Variants in TPCN2 observed in about 807,000 individuals in gnomAD.
The protein encoded by TPCN2 is two pore channel protein 2.
In TPCN2, 92 loss-of-function variants were observed where a neutral mutation model predicts 111.4. The ratio of observed to expected loss-of-function variants is 0.83; its 90% CI spans 0.70 to 0.98. The LOEUF is 0.98. Ranked by LOEUF, TPCN2 falls within the 50% of genes least tolerant of loss-of-function variation. The probability of loss-of-function intolerance (pLI) is 0.00; values close to 1 mark genes in which losing one functional copy is unlikely to be tolerated. For synonymous variants in TPCN2, 405 were observed against 414.5 expected, an observed-to-expected ratio of 0.98 and a Z score of 0.28; for missense variants, 995 against 980.1, an observed-to-expected ratio of 1.02 and a Z score of -0.20.
chr11:69,056,568 C>T (rs1012090268), intron 4 of TPCN2, among the ~76,000 whole-genome samples: 11 of 152,216 alleles, frequency 7.2e-5, no homozygotes, highest in African/African-American at 1.9e-4. Context: ...CAGTCTCGCT[C>T]TGTTGCCCAG....
intron 1 of TPCN2, among the ~76,000 whole-genome samples, chr11:69,053,081 G>C (rs576047985): frequency 6.6e-6 from 1 of 152,216 alleles, no homozygotes; most frequent in Non-Finnish European, 1.5e-5. Context: ...AGGTGCGCCC[G>C]CTGGCTGCTC....
chr11:69,066,455 ACTGTGGAGT>A (rs1260831996), intron 7 of TPCN2, among the ~76,000 whole-genome samples: 2 of 152,004 alleles, frequency 1.3e-5, no homozygotes, highest in Admixed American at 1.3e-4. Context: ...CCCCCAGCAG[ACTGTGGAGT>A]CTTCACCAAT....
rs535259136 is a variant in TPCN2, at chr11:69,056,478, A to G, written c.430-1100A>G. Among the ~76,000 whole-genome samples the G allele has an allele frequency of 2.6e-5, 4 of 152,310 alleles. No homozygotes were observed. The East Asian group carries it at 7.7e-4, about 29-fold the overall frequency. ...GGTTGGTGTGTTTGAGAAGTGTCAAAAGGTGAGAGAGGGTACATCAGCAAG... is the reference window on the plus strand; with the variant it reads ...GGTTGGTGTGTTTGAGAAGTGTCAAGAGGTGAGAGAGGGTACATCAGCAAG... On this transcript the variant is annotated intron_variant, in intron 4 of 24. Transcript: ENST00000294309.
chr11:69,079,111 A>G (rs1175874193), intron 16 of TPCN2, 91 bp downstream of exon 16: 2 of 1,470,244 alleles, frequency 1.4e-6, no homozygotes, highest in East Asian at 2.3e-5. Context: ...GCCTCCCCTG[A>G]GGACTAGAGG....
rs890647215 is a variant in TPCN2 at position 69,070,970 on chromosome 11, G to T, written c.896-386G>T. Among the ~76,000 whole-genome samples, 8 of 35,034 alleles carry T rather than the reference G, an allele frequency of 2.3e-4. No homozygotes were observed. The East Asian group carries it at 6.3e-3, about 27-fold the overall frequency. 23.0% of individuals were successfully genotyped at this position (35,034 alleles called of 152,430 possible). On this transcript the variant is annotated intron_variant, in intron 9 of 24. Coordinates refer to ENST00000294309, the MANE Select transcript of TPCN2 (RefSeq NM_139075.4). ...CACGGCTTCACCCCAGGGATCCCCCGCCAACAGGTTCACCCCAGGGATCCC... is the reference window on the plus strand; with the variant it reads ...CACGGCTTCACCCCAGGGATCCCCCTCCAACAGGTTCACCCCAGGGATCCC...
chr11:69,074,061 G>T (rs1855649182), intron 13 of TPCN2, among the ~76,000 whole-genome samples: 1 of 152,228 alleles, frequency 6.6e-6, no homozygotes, highest in Admixed American at 6.5e-5. Context: ...GCTACTGGGG[G>T]TTAGAGGTTA....
chr11:69,057,698 G>C lies in TPCN2; in HGVS notation c.546+4G>C, dbSNP rs200402849. On this transcript the variant is annotated splice_donor_region_variant and intron_variant, in intron 5 of 24. Transcript: ENST00000294309. ...CCTGAGTCTCGTGTGTCATGAGGTA[G>C]GTGGTGAGGCAGCCCTGAGACAGAT... 3,582 of 1,613,348 alleles carry C rather than the reference G, an allele frequency of 2.2e-3. 8 individuals carry two copies. Among genetic ancestry groups the C allele is most frequent in the Middle Eastern group, 3.0e-3 (18 of 6,060 alleles).
chr11:69,070,518 G>A, intron 9 of TPCN2, 23 bp downstream of exon 9: 2 of 1,574,954 alleles, frequency 1.3e-6, no homozygotes, highest in Admixed American at 1.8e-5. Context: ...AACGTGGCCA[G>A]CATTTTGTGA....
chr11:69,070,552 C>T (rs374733372), intron 9 of TPCN2, 57 bp downstream of exon 9: 29 of 1,344,918 alleles, frequency 2.2e-5, no homozygotes, highest in East Asian at 1.2e-4. Flanking sequence ...GCTCAGGGAC[C>T]GATACACCCT....
intron 7 of TPCN2, among the ~76,000 whole-genome samples, chr11:69,065,064 ATG>A (rs1271803440): frequency 6.9e-5 from 1 of 14,528 alleles, no homozygotes. Context: ...TGGTGTGTCT[ATG>A]TGTGCATGCA....
intron 2 of TPCN2, 114 bp downstream of exon 2, chr11:69,054,211 T>G: frequency 1.2e-6 from 1 of 817,606 alleles, no homozygotes; most frequent in Non-Finnish European, 2.0e-6. Flanking sequence ...GACTGTAGGT[T>G]AAGAGAACTG....
rs1056685200 is a variant in TPCN2, at chr11:69,063,518, C to T, written c.654-377C>T. 7.2e-5 allele frequency among the ~76,000 whole-genome samples: 11 copies of T among 152,226 alleles called. No homozygotes were observed. In the East Asian group the frequency reaches 1.2e-3, roughly 16 times the overall value. On this transcript the variant is annotated intron_variant, in intron 6 of 24. Coordinates refer to ENST00000294309, the MANE Select transcript of TPCN2 (RefSeq NM_139075.4). ...CTGGTCCCGATCCCCTGCCGCCCTCCGCTCTTGCCAGTGGCAGCGTTGCCC... is the reference window on the plus strand; with the variant it reads ...CTGGTCCCGATCCCCTGCCGCCCTCTGCTCTTGCCAGTGGCAGCGTTGCCC...
chr11:69,066,148 C>A (rs1221809040), intron 7 of TPCN2, among the ~76,000 whole-genome samples: 1 of 152,020 alleles, frequency 6.6e-6, no homozygotes, highest in Non-Finnish European at 1.5e-5. Context: ...CATGGGCGCT[C>A]GGTGGGTTGC....
intron 3 of TPCN2, 104 bp downstream of exon 3, chr11:69,054,901 C>T: frequency 8.4e-7 from 1 of 1,187,860 alleles, no homozygotes; most frequent in South Asian, 1.3e-5. Context: ...CAGGCAGGCT[C>T]CCCACTACAT....
In TPCN2 at chr11:69,085,662, GTTCCC is replaced by G; in HGVS notation, c.1839-8_1839-4del. The G allele has an allele frequency of 6.3e-7, 1 of 1,593,840 alleles. No individual in the cohort carries two copies. The highest frequency in any genetic ancestry group is 8.6e-7 in the Non-Finnish European group (1 of 1,162,196). ...CCCGCCCCTGACCCAGGTGTGTTGT[GTTCCC>G]CAGCCTGGCCCCTGCCAATGGCTCG... is the stretch of plus-strand genomic sequence containing the variant. On this transcript the variant is annotated splice_polypyrimidine_tract_variant and splice_region_variant and intron_variant, in intron 20 of 24. Coordinates refer to ENST00000294309, the MANE Select transcript of TPCN2 (RefSeq NM_139075.4).
intron 7 of TPCN2, 47 bp from the exon 8 acceptor site, chr11:69,067,455 TG>T: frequency 6.4e-7 from 1 of 1,552,920 alleles, no homozygotes. Flanking sequence ...GCTCAGCCTG[TG>T]GGGTGGGGAC....
At chr11:69,060,624 C>T (rs1041545796) in intron 5 of TPCN2, among the ~76,000 whole-genome samples, 3 of 152,180 alleles carry the variant, frequency 2.0e-5, no homozygotes, top group Non-Finnish European at 2.9e-5. Flanking sequence ...GATGTACCTT[C>T]CCGTCCTTAT....
At chr11:69,053,593 C>A (rs1398376189) in intron 1 of TPCN2, among the ~76,000 whole-genome samples, 4 of 152,042 alleles carry the variant, frequency 2.6e-5, no homozygotes, top group Admixed American at 6.5e-5. Context: ...GGGAGCGTGG[C>A]AGGGGGCTCT....
intron 2 of TPCN2, among the ~76,000 whole-genome samples, 178 bp from the exon 3 acceptor site, chr11:69,054,543 C>T (rs1164506930): frequency 6.6e-6 from 1 of 152,166 alleles, no homozygotes; most frequent in Non-Finnish European, 1.5e-5. Context: ...TTGGGCAAAC[C>T]TCGTGGTTTG....
Sources: gnomAD v4.1 joint callset for allele counts (sites outside exome capture counted in the v4.1 genomes callset) on GRCh38, gnomAD v4.1.1 for gene constraint, MANE v1.5 for transcripts, NCBI Gene and HGNC (gene_info 2026-07-23, HGNC 2026-07-21) for gene names.